L3MBTL4: variants seen among roughly 807,000 people sequenced by gnomAD.
L3MBTL4 encodes the protein lethal(3)malignant brain tumor-like protein 4.
In L3MBTL4, 70 loss-of-function variants were observed where a neutral mutation model predicts 84.5. The observed-to-expected ratio is 0.83, with a 90% CI of 0.68 to 1.01. The LOEUF (loss-of-function observed/expected upper bound fraction) is 1.01. Among genes scored for constraint, L3MBTL4 ranks in the 50% least tolerant of loss-of-function variants. The pLI is 0.00. For synonymous variants in L3MBTL4, 274 were observed against 259.8 expected (o/e 1.05, Z -0.52); for missense variants, 715 against 754.8 (o/e 0.95, Z 0.62).
intron 16 of L3MBTL4, among the ~76,000 whole-genome samples, chr18:5,970,796 C>A (rs2052602199): frequency 6.6e-6 from 1 of 152,232 alleles, no homozygotes; most frequent in Non-Finnish European, 1.5e-5. Context: ...AAATTAATTA[C>A]AGCTTTTAGT....
intron 12 of L3MBTL4, among the ~76,000 whole-genome samples, chr18:6,200,207 G>T (rs78429028): frequency 0.089 from 13,482 of 152,284 alleles, 2,012 homozygotes; most frequent in African/African-American, 0.31. Flanking sequence ...GGGACACAGT[G>T]AATAAGAAGA....
intron 14 of L3MBTL4, among the ~76,000 whole-genome samples, chr18:6,105,827 A>T (rs2058988257): frequency 6.6e-6 from 1 of 151,504 alleles, no homozygotes; most frequent in South Asian, 2.1e-4. Context: ...ATGAAAAAAG[A>T]CTCTCAGTCT....
Position 6,373,127 on chromosome 18 carries a change from T to A in L3MBTL4, c.-91+41674A>T, listed in dbSNP as rs976209182. Among the ~76,000 whole-genome samples the A allele has an allele frequency of 3.9e-5, 6 of 152,076 alleles. 1 individual carries two copies. In the South Asian group the frequency reaches 6.2e-4, roughly 16 times the overall value. On this transcript the variant is annotated intron_variant, in intron 1 of 18. Transcript: ENST00000317931. ...CCCCACAATATTCTGGGGAAAAAAA[T>A]TTCTCTAAGAAATATAATGAGGCCG...
At chr18:6,105,158 G>T (rs2058959863) in intron 14 of L3MBTL4, among the ~76,000 whole-genome samples, 1 of 144,412 alleles carries the variant, frequency 6.9e-6, no homozygotes, top group African/African-American at 2.5e-5. Context: ...GGTTTTTCAA[G>T]TATATGTTGT....
intron 1 of L3MBTL4, among the ~76,000 whole-genome samples, chr18:6,344,206 G>C (rs1036576622): frequency 1.3e-5 from 2 of 151,938 alleles, no homozygotes; most frequent in Non-Finnish European, 2.9e-5. Flanking sequence ...AATGAAATAA[G>C]AGACATTACA....
intron 16 of L3MBTL4, among the ~76,000 whole-genome samples, chr18:5,996,670 GAAGT>G (rs1463208527): frequency 6.6e-6 from 1 of 152,182 alleles, no homozygotes; most frequent in Non-Finnish European, 1.5e-5. Context: ...TGCAGGTTAT[GAAGT>G]ATGTAGAAGA....
chr18:6,330,425 G>C (rs1212032920), intron 1 of L3MBTL4, among the ~76,000 whole-genome samples: 1 of 152,194 alleles, frequency 6.6e-6, no homozygotes, highest in Non-Finnish European at 1.5e-5. Flanking sequence ...GCATTCCTTG[G>C]CTCGTGACCC....
chr18:6,280,853 A>C (rs1346093717), intron 4 of L3MBTL4, among the ~76,000 whole-genome samples: 1 of 152,156 alleles, frequency 6.6e-6, no homozygotes, highest in Non-Finnish European at 1.5e-5. Context: ...CCATGAGCCA[A>C]GGAATGCAAA....
intron 16 of L3MBTL4, among the ~76,000 whole-genome samples, chr18:6,026,987 C>T (rs6506357): frequency 0.11 from 16,632 of 152,082 alleles, 1,224 homozygotes; most frequent in African/African-American, 0.21. Flanking sequence ...TTAACTTGCA[C>T]ATCCACTCAC....
chr18:6,200,280 T>C (rs2045595014), intron 12 of L3MBTL4, among the ~76,000 whole-genome samples: 1 of 152,196 alleles, frequency 6.6e-6, no homozygotes, highest in Non-Finnish European at 1.5e-5. Flanking sequence ...AAATACACCA[T>C]GCTCGTACAC....
intron 4 of L3MBTL4, among the ~76,000 whole-genome samples, chr18:6,287,979 G>A (rs1471309052): frequency 6.6e-6 from 1 of 152,176 alleles, no homozygotes; most frequent in South Asian, 2.1e-4. Context: ...GAAGGTCAAG[G>A]CTACAGTGAG....
intron 16 of L3MBTL4, among the ~76,000 whole-genome samples, chr18:6,034,304 C>A (rs140226352): frequency 0.14 from 21,127 of 152,080 alleles, 1,600 homozygotes; most frequent in South Asian, 0.26. Flanking sequence ...CCGCTCCCCC[C>A]ACCCCACAAC....
chr18:6,004,895 G>A (rs1422596351), intron 16 of L3MBTL4, among the ~76,000 whole-genome samples: 1 of 150,664 alleles, frequency 6.6e-6, no homozygotes, highest in Non-Finnish European at 1.5e-5. Flanking sequence ...TCAGTTTCAG[G>A]TGATGACTAA....
intron 13 of L3MBTL4, among the ~76,000 whole-genome samples, chr18:6,169,102 A>T (rs1230608093): frequency 6.6e-6 from 1 of 152,238 alleles, no homozygotes. Flanking sequence ...TGGTCATCAG[A>T]GAAATGCAAA....
rs190069726 is a variant in L3MBTL4 at position 6,084,206 on chromosome 18, C to T, written c.1374-3255G>A. 8.5e-5 allele frequency among the ~76,000 whole-genome samples: 13 copies of T among 152,254 alleles called. No individual in the cohort carries two copies. The East Asian group carries it at 1.7e-3, about 20-fold the overall frequency. On this transcript the variant is annotated intron_variant, in intron 15 of 18. Transcript: ENST00000317931. Reference sequence around the variant, plus strand: ...GAACAAGAGTTAGCAAACTATGCCCCGTAAGTCGAATCCTGCCCATTGCTT... The same window carrying T: ...GAACAAGAGTTAGCAAACTATGCCCTGTAAGTCGAATCCTGCCCATTGCTT...
At chr18:6,223,835 C>T (rs1176710310) in intron 10 of L3MBTL4, among the ~76,000 whole-genome samples, 1 of 152,150 alleles carries the variant, frequency 6.6e-6, no homozygotes, top group Non-Finnish European at 1.5e-5. Context: ...GGAGGATAAT[C>T]CCAGAATAAT....
At chr18:6,166,281 G>C (rs969515498) in intron 13 of L3MBTL4, among the ~76,000 whole-genome samples, 1 of 152,116 alleles carries the variant, frequency 6.6e-6, no homozygotes, top group Admixed American at 6.5e-5. Flanking sequence ...GAGACAGAAA[G>C]TTAACAAGGA....
At chr18:6,301,828 A>G (rs2050351440) in intron 4 of L3MBTL4, 75 bp downstream of exon 4, 2 of 1,051,326 alleles carry the variant, frequency 1.9e-6, no homozygotes, top group South Asian at 2.5e-5. Flanking sequence ...ACCTAAAACA[A>G]CTAAGCAATC....
chr18:6,047,087 TA>T (rs200455060), intron 16 of L3MBTL4, among the ~76,000 whole-genome samples: 3 of 150,590 alleles, frequency 2.0e-5, no homozygotes, highest in African/African-American at 4.9e-5. Flanking sequence ...CCCACGGAAA[TA>T]AAAAAAAATC....
Sources: gnomAD v4.1 joint callset for allele counts (sites outside exome capture counted in the v4.1 genomes callset) on GRCh38, gnomAD v4.1.1 for gene constraint, MANE v1.5 for transcripts, NCBI Gene and HGNC (gene_info 2026-07-23, HGNC 2026-07-21) for gene names.